Variants in ANKRD44 observed in about 807,000 individuals in gnomAD.
The protein encoded by ANKRD44 is serine/threonine-protein phosphatase 6 regulatory ankyrin repeat subunit B.
A neutral mutation model predicts 116.0 loss-of-function variants in ANKRD44; 35 were observed. The observed-to-expected ratio is 0.30, with a 90% CI of 0.23 to 0.40. The LOEUF (loss-of-function observed/expected upper bound fraction) is 0.40. Among genes scored for constraint, ANKRD44 ranks in the 10% least tolerant of loss-of-function variants. The probability of loss-of-function intolerance (pLI) is 1.00; values close to 1 mark genes in which losing one functional copy is unlikely to be tolerated. For synonymous variants in ANKRD44, 435 were observed against 461.8 expected (o/e 0.94, Z 0.74); for missense variants, 1,014 against 1,242.6 (o/e 0.82, Z 2.77).
rs1300829029 is a variant in ANKRD44 at position 196,993,652 on chromosome 2, T to C, written c.2854A>G (p.Asn952Asp). 1 of 1,550,982 alleles carries C rather than the reference T, an allele frequency of 6.4e-7. No homozygotes were observed. The highest frequency in any genetic ancestry group is 2.0e-5 in the Admixed American group (1 of 51,008). The change falls in exon 27 of 28, where the codon AAT becomes GAT. Residue 952 changes from asparagine to aspartate, a missense_variant. Coordinates refer to ENST00000282272, the MANE Select transcript of ANKRD44 (RefSeq NM_001195144.2). ...LQTPLHVAAR[N>D]GLKVVVEELL... ...TCCTCAACTACCACCTTTAAGCCAT[T>C]GCGCGCAGCGACGTGGAGGGGTCTA...
At chr2:197,190,235 G>A (rs2080791292) in intron 1 of ANKRD44, among the ~76,000 whole-genome samples, 1 of 152,144 alleles carries the variant, frequency 6.6e-6, no homozygotes, top group African/African-American at 2.4e-5. Context: ...CACATGTTGA[G>A]TCATACACAA....
intron 17 of ANKRD44, among the ~76,000 whole-genome samples, chr2:197,023,572 G>GA (rs879267427): frequency 5.4e-5 from 8 of 147,838 alleles, no homozygotes; most frequent in East Asian, 2.0e-4. Context: ...ATACACTGTG[G>GA]AAAAAAAAAA....
intron 2 of ANKRD44, among the ~76,000 whole-genome samples, chr2:197,186,633 T>TTTTTTTTTTTTTTTTTTTTTTTG (rs2080676765): frequency 9.1e-6 from 1 of 110,348 alleles, no homozygotes; most frequent in African/African-American, 5.2e-5. Context: ...TTTTTTTTTT[T>TTTTTTTTTTTTTTTTTTTTTTTG]TTTTTTTTTT....
At chr2:197,147,938 T>A (rs1184221800) in intron 2 of ANKRD44, 3 of 452,916 alleles carry the variant, frequency 6.6e-6, no homozygotes, top group African/African-American at 2.0e-5. Context: ...TCCTCAAGAT[T>A]CCACAGGTAT....
At position 197,221,001 on chromosome 2, in the gene ANKRD44, G is replaced by A. The variant is rs2081572497; in HGVS notation, c.28-33895C>T. 2.0e-5 allele frequency among the ~76,000 whole-genome samples: 3 copies of A among 152,308 alleles called. No homozygotes were observed. In the South Asian group the frequency reaches 6.2e-4, roughly 32 times the overall value. On this transcript the variant is annotated intron_variant, in intron 1 of 27. Coordinates refer to ENST00000282272, the MANE Select transcript of ANKRD44 (RefSeq NM_001195144.2). The stretch of plus-strand genomic sequence containing the variant: ...ACAGTGGCTCACGCCTGTAATCCCA[G>A]CACTTTGGGAGGCCAAGACGGGCAG...
chr2:196,988,942 G>A lies in ANKRD44; in HGVS notation c.*649C>T, dbSNP rs1448420947. On this transcript the variant is annotated 3_prime_UTR_variant, in exon 28 of 28. Coordinates refer to ENST00000282272, the MANE Select transcript of ANKRD44 (RefSeq NM_001195144.2). ...CACTACACATCTGAGTTTTCATCTC[G>A]CAGAAGGGCATCCAGACTGCAATGT... The A allele has an allele frequency of 1.5e-5, 15 of 985,170 alleles. No individual in the cohort carries two copies. Among genetic ancestry groups the A allele is most frequent in the Middle Eastern group, 5.2e-4 (1 of 1,936 alleles). 61.0% of individuals were successfully genotyped at this position (985,170 alleles called of 1,614,324 possible).
chr2:197,122,124 C>G (rs1350110474), intron 7 of ANKRD44, among the ~76,000 whole-genome samples: 2 of 152,058 alleles, frequency 1.3e-5, no homozygotes, highest in Non-Finnish European at 2.9e-5. Context: ...GAGACCTGCC[C>G]TGGATGCCTG....
intron 9 of ANKRD44, among the ~76,000 whole-genome samples, chr2:197,100,445 A>C (rs1043749581): frequency 1.6e-3 from 249 of 152,152 alleles, no homozygotes; most frequent in African/African-American, 5.5e-3. Context: ...AAAAAAAAAG[A>C]AAAAGAAAAA....
At chr2:197,290,208 T>C (rs1272126965) in intron 1 of ANKRD44, among the ~76,000 whole-genome samples, 1 of 151,246 alleles carries the variant, frequency 6.6e-6, no homozygotes, top group African/African-American at 2.5e-5. Flanking sequence ...CTAATTTACA[T>C]TCCCACCAAC....
intron 2 of ANKRD44, among the ~76,000 whole-genome samples, chr2:197,172,293 C>T (rs777748528): frequency 1.1e-4 from 16 of 152,070 alleles, no homozygotes; most frequent in Non-Finnish European, 1.9e-4. Context: ...TGAGCCACCA[C>T]GCCCGGCCCC....
intron 1 of ANKRD44, among the ~76,000 whole-genome samples, chr2:197,310,201 C>T (rs78395883): frequency 0.01 from 1,543 of 152,120 alleles, 9 homozygotes; most frequent in African/African-American, 0.017. Flanking sequence ...CGTGCAGCGT[C>T]CTCCTCCCCG....
intron 1 of ANKRD44, among the ~76,000 whole-genome samples, chr2:197,287,055 G>A (rs1036042554): frequency 5.9e-5 from 9 of 152,158 alleles, no homozygotes; most frequent in Non-Finnish European, 1.3e-4. Context: ...CCCACAGAAC[G>A]TACAACACCA....
At chr2:197,280,540 C>T (rs747885547) in intron 1 of ANKRD44, among the ~76,000 whole-genome samples, 9 of 152,178 alleles carry the variant, frequency 5.9e-5, no homozygotes, top group East Asian at 3.8e-4. Context: ...AAGCTGACTC[C>T]GTGGTCTAAG....
intron 14 of ANKRD44, among the ~76,000 whole-genome samples, chr2:197,082,069 T>C (rs1371026964): frequency 6.6e-6 from 1 of 152,198 alleles, no homozygotes; most frequent in African/African-American, 2.4e-5. Context: ...CATTCCCCAC[T>C]GCCTCCTTGC....
chr2:197,246,350 C>CTTTGTTTTTT (rs2082190858), intron 1 of ANKRD44, among the ~76,000 whole-genome samples: 1 of 65,876 alleles, frequency 1.5e-5, no homozygotes, highest in Non-Finnish European at 2.5e-5. Flanking sequence ...CTACATCTGG[C>CTTTGTTTTTT]TTTTTTTTTT....
chr2:197,152,655 T>C (rs1282809960), intron 2 of ANKRD44, among the ~76,000 whole-genome samples: 2 of 152,204 alleles, frequency 1.3e-5, no homozygotes, highest in Non-Finnish European at 2.9e-5. Flanking sequence ...AGTAGGTACA[T>C]GCAAAGTGAG....
At chr2:197,121,873 GAA>G (rs2078863097) in intron 7 of ANKRD44, among the ~76,000 whole-genome samples, 1 of 152,202 alleles carries the variant, frequency 6.6e-6, no homozygotes, top group Non-Finnish European at 1.5e-5. Context: ...AGAGGAGAAT[GAA>G]AAGAGTCCCA....
At chr2:197,194,612 A>G (rs952460060) in intron 1 of ANKRD44, among the ~76,000 whole-genome samples, 3 of 152,176 alleles carry the variant, frequency 2.0e-5, no homozygotes, top group African/African-American at 7.2e-5. Context: ...ATTCAGCTTC[A>G]GTTTCAACAT....
Position 196,978,344 on chromosome 2 carries a change from C to T in ANKRD44, c.2369-10898G>A, listed in dbSNP as rs1017443268. 2.6e-5 allele frequency among the ~76,000 whole-genome samples: 4 copies of T among 152,210 alleles called. No homozygotes were observed. The East Asian group carries it at 7.7e-4, about 29-fold the overall frequency. On this transcript the variant is annotated intron_variant, in intron 21 of 21. Transcript: ENST00000424317. ...GGCCCTCACCAGAAGCAGCTGCCAGCACCATGCTTCCTGTACAGCCTGCAG... is the reference window on the plus strand; with the variant it reads ...GGCCCTCACCAGAAGCAGCTGCCAGTACCATGCTTCCTGTACAGCCTGCAG...
Sources: allele counts gnomAD v4.1 joint callset (sites outside exome capture counted in the v4.1 genomes callset), GRCh38; gene constraint gnomAD v4.1.1; transcripts MANE v1.5; gene names NCBI Gene and HGNC (gene_info 2026-07-23, HGNC 2026-07-21).